SLC1A4: variants seen among roughly 807,000 people sequenced by gnomAD.
SLC1A4 encodes neutral amino acid transporter A.
Under a neutral mutation model 37.7 loss-of-function variants are expected in SLC1A4, and 19 were observed. That is an observed-to-expected ratio of 0.50 (90% CI 0.35 to 0.74). SLC1A4 has a LOEUF of 0.74. Ranked by LOEUF, SLC1A4 falls within the 30% of genes least tolerant of loss-of-function variation. The probability of loss-of-function intolerance (pLI) is 0.01; values close to 1 mark genes in which losing one functional copy is unlikely to be tolerated. For synonymous variants in SLC1A4, 299 were observed against 309.8 expected, an observed-to-expected ratio of 0.97 and a Z score of 0.37; for missense variants, 570 against 712.9, an observed-to-expected ratio of 0.80 and a Z score of 2.28.
At chr2:64,990,238 C>G in intron 1 of SLC1A4, 68 bp downstream of exon 1, 1 of 1,358,062 alleles carries the variant, frequency 7.4e-7, no homozygotes, top group Non-Finnish European at 9.9e-7. Flanking sequence ...CCAGTTCATA[C>G]ACCCATATGC....
At chr2:65,001,357 A>T (rs972615172) in intron 1 of SLC1A4, 91 bp from the exon 2 acceptor site, 68 of 1,157,078 alleles carry the variant, frequency 5.9e-5, no homozygotes, top group Non-Finnish European at 8.5e-5. Context: ...AGCTGCAATC[A>T]CACCACTGCA....
chr2:65,000,223 A>G (rs1320465629), intron 1 of SLC1A4: 1 of 152,242 alleles, frequency 6.6e-6, no homozygotes, highest in Non-Finnish European at 1.5e-5. Context: ...TATCAAGACC[A>G]GCATCCTACA....
At chr2:64,991,308 T>A (rs1264449072) in intron 1 of SLC1A4, among the ~76,000 whole-genome samples, 1 of 150,900 alleles carries the variant, frequency 6.6e-6, no homozygotes, top group Non-Finnish European at 1.5e-5. Context: ...AGGACATCCG[T>A]ATTTAAAAAC....
At chr2:65,019,594 C>T (rs1375140046) in intron 7 of SLC1A4, among the ~76,000 whole-genome samples, 1 of 152,206 alleles carries the variant, frequency 6.6e-6, no homozygotes, top group East Asian at 1.9e-4. Flanking sequence ...ACTGGGCTCA[C>T]GGACTGGCCT....
At chr2:64,993,765 C>T (rs900775230) in intron 1 of SLC1A4, among the ~76,000 whole-genome samples, 1 of 152,152 alleles carries the variant, frequency 6.6e-6, no homozygotes, top group Non-Finnish European at 1.5e-5. Context: ...CCTTGGTTTC[C>T]TCATCTTTAT....
At chr2:64,992,648 G>A (rs1039571501) in intron 1 of SLC1A4, among the ~76,000 whole-genome samples, 5 of 152,186 alleles carry the variant, frequency 3.3e-5, no homozygotes, top group Admixed American at 1.3e-4. Context: ...TAGAAGGACT[G>A]TGGGTCTCCT....
chr2:65,018,376 G>GGGGA lies in SLC1A4; in HGVS notation c.1229+112_1229+115dup. The GGGGA allele has an allele frequency of 7.3e-7, 1 of 1,374,214 alleles. No individual in the cohort carries two copies. Among genetic ancestry groups the GGGGA allele is most frequent in the Non-Finnish European group, 1.0e-6 (1 of 999,950 alleles). 85.1% of individuals were successfully genotyped at this position (1,374,214 alleles called of 1,614,324 possible). A position where few individuals can be genotyped will look rare whatever the true frequency, so the allele number is the denominator to read the frequency against. On this transcript the variant is annotated intron_variant, in intron 6 of 7. Coordinates refer to ENST00000234256, the MANE Select transcript of SLC1A4 (RefSeq NM_003038.5). The surrounding 1 kb of genome is among the most constrained non-coding windows in gnomAD (Gnocchi z 4.3). ...GTCTCGCTCATAAAATGAGGACAGT[G>GGGGA]GGGATTCATTACTTGAAGAGCGTGT... is the stretch of plus-strand genomic sequence containing the variant.
chr2:64,991,105 C>G (rs891948528), intron 1 of SLC1A4, among the ~76,000 whole-genome samples: 1 of 152,162 alleles, frequency 6.6e-6, no homozygotes, highest in Admixed American at 6.5e-5. Flanking sequence ...ATTTTGGATT[C>G]TGAGCCTTGG....
Position 65,021,178 on chromosome 2 carries a change from G to C in SLC1A4, c.*32G>C. On this transcript the variant is annotated 3_prime_UTR_variant, in exon 8 of 8. Transcript: ENST00000234256. Reference sequence around the variant, plus strand: ...TGGGCTTTGGGCTTGCCTGCCAGCAGTGATGTCCCACCCTGTTCACCCAGC... The same window carrying C: ...TGGGCTTTGGGCTTGCCTGCCAGCACTGATGTCCCACCCTGTTCACCCAGC... The C allele has an allele frequency of 6.4e-7, 1 of 1,559,526 alleles. No homozygotes were observed. The highest frequency in any genetic ancestry group is 8.8e-7 in the Non-Finnish European group (1 of 1,132,414).
intron 3 of SLC1A4, among the ~76,000 whole-genome samples, chr2:65,010,200 G>A (rs761981892): frequency 6.6e-6 from 1 of 152,168 alleles, no homozygotes; most frequent in African/African-American, 2.4e-5. Flanking sequence ...CCAAAGTGCT[G>A]GGATTACAGG....
At chr2:64,998,044 T>G (rs544160041) in intron 1 of SLC1A4, among the ~76,000 whole-genome samples, 10 of 152,058 alleles carry the variant, frequency 6.6e-5, no homozygotes, top group Non-Finnish European at 1.2e-4. Flanking sequence ...TCATCCTGGC[T>G]AACATGGTGA....
intron 3 of SLC1A4, among the ~76,000 whole-genome samples, chr2:65,004,960 T>C (rs1018457281): frequency 6.6e-6 from 1 of 152,204 alleles, no homozygotes; most frequent in African/African-American, 2.4e-5. Context: ...CAGACCAACA[T>C]TATGTCTCAT....
chr2:65,019,835 G>A (rs1674337687), intron 7 of SLC1A4, among the ~76,000 whole-genome samples: 1 of 152,184 alleles, frequency 6.6e-6, no homozygotes, highest in Admixed American at 6.5e-5. Flanking sequence ...CCAGGAACAG[G>A]GAAACAGGGC....
chr2:65,014,178 A>C (rs1356549410), intron 4 of SLC1A4, among the ~76,000 whole-genome samples: 1 of 152,222 alleles, frequency 6.6e-6, no homozygotes, highest in Non-Finnish European at 1.5e-5. Flanking sequence ...CTGCATGCAA[A>C]AGATACTTTG....
intron 4 of SLC1A4, among the ~76,000 whole-genome samples, chr2:65,012,124 C>T (rs1425691026): frequency 6.6e-6 from 1 of 151,252 alleles, no homozygotes; most frequent in Non-Finnish European, 1.5e-5. Flanking sequence ...GGGTCTTGCT[C>T]TGTCACCCAG....
At chr2:65,012,170 AG>A (rs1343835689) in intron 4 of SLC1A4, among the ~76,000 whole-genome samples, 2 of 150,496 alleles carry the variant, frequency 1.3e-5, no homozygotes, top group Non-Finnish European at 3.0e-5. Flanking sequence ...GCTCACTGCA[AG>A]CTCCACCTCC....
chr2:64,990,015 C>G lies in SLC1A4; in HGVS notation c.372C>G (p.Thr124=), dbSNP rs1287630325. The change falls in exon 1 of 8, where the codon ACC becomes ACG. Residue 124 remains threonine, a synonymous_variant. Transcript: ENST00000234256. The stretch of plus-strand genomic sequence containing the variant: ...TCGCTGTCGCCTACTTTGGCCTCAC[C>G]ACACTGAGTGCCTCGGCGCTCGCCG... ...GGIAVAYFGL[T]TLSASALAVA... 7 of 1,601,468 alleles carry G rather than the reference C, an allele frequency of 4.4e-6. No individual in the cohort carries two copies. Among genetic ancestry groups the G allele is most frequent in the African/African-American group, 1.3e-5 (1 of 74,766 alleles).
Position 65,021,454 on chromosome 2 carries a change from G to T in SLC1A4, c.*308G>T. 2.7e-6 allele frequency: 1 copy of T among 371,532 alleles called. No individual in the cohort carries two copies. Among genetic ancestry groups the T allele is most frequent in the East Asian group, 4.9e-5 (1 of 20,476 alleles). 23.0% of individuals were successfully genotyped at this position (371,532 alleles called of 1,614,324 possible). A position where few individuals can be genotyped will look rare whatever the true frequency, so the allele number is the denominator to read the frequency against. ...GGCTCAAGAAATCATGGACTCACAG[G>T]GTCCTGTGTGGTTACATCTTGGAAA... On this transcript the variant is annotated 3_prime_UTR_variant, in exon 8 of 8. Coordinates refer to ENST00000234256, the MANE Select transcript of SLC1A4 (RefSeq NM_003038.5).
intron 5 of SLC1A4, among the ~76,000 whole-genome samples, chr2:65,017,079 A>C (rs1041095442): frequency 6.6e-6 from 1 of 152,202 alleles, no homozygotes; most frequent in Non-Finnish European, 1.5e-5. Context: ...TCAGCAGATC[A>C]TTAGTTAGCC....
Sources: gnomAD v4.1 joint callset for allele counts (sites outside exome capture counted in the v4.1 genomes callset) on GRCh38, gnomAD v4.1.1 for gene constraint, Gnocchi (gnomAD v3.1) non-coding constraint, MANE v1.5 for transcripts, NCBI Gene and HGNC (gene_info 2026-07-23, HGNC 2026-07-21) for gene names.